PPP1CC: variants seen among roughly 807,000 people sequenced by gnomAD.
PPP1CC encodes serine/threonine-protein phosphatase PP1-gamma catalytic subunit.
In PPP1CC, 16 loss-of-function variants were observed where a neutral mutation model predicts 38.4. The ratio of observed to expected loss-of-function variants is 0.42; its 90% CI spans 0.28 to 0.63. The LOEUF is 0.63. PPP1CC is among the 30% of genes least tolerant of loss of function. The probability of loss-of-function intolerance (pLI) is 0.25; values close to 1 mark genes in which losing one functional copy is unlikely to be tolerated. For missense variants in PPP1CC, 170 were observed against 391.3 expected (o/e 0.43, Z 4.77); for synonymous variants, 158 against 136.0 (o/e 1.16, Z -1.13).
intron 2 of PPP1CC, among the ~76,000 whole-genome samples, chr12:110,731,177 C>T (rs1309992142): frequency 6.6e-6 from 1 of 150,864 alleles, no homozygotes; most frequent in East Asian, 1.9e-4. Flanking sequence ...TGAACAAAAG[C>T]ACATACACAC....
At chr12:110,710,797 T>C in the PPP1CC span, among the ~76,000 whole-genome samples, 1 of 146,992 alleles carries the variant, frequency 6.8e-6, no homozygotes, top group African/African-American at 2.5e-5. Context: ...TTTGGGAGGC[T>C]AAGGTGGGCG....
At chr12:110,730,366 C>G (rs754231975) in intron 3 of PPP1CC, among the ~76,000 whole-genome samples, 163 bp downstream of exon 3, 22 of 152,026 alleles carry the variant, frequency 1.4e-4, no homozygotes, top group Non-Finnish European at 2.9e-4. Context: ...TCCCCCACCC[C>G]CCTAAAAAAG....
At chr12:110,710,717 C>CAAA in the PPP1CC span, among the ~76,000 whole-genome samples, 7 of 27,898 alleles carry the variant, frequency 2.5e-4, no homozygotes, top group Admixed American at 5.4e-4. Context: ...GACTCTGTCT[C>CAAA]AAAAAAAAAA....
At chr12:110,717,153 G>T (rs1220563708), downstream of PPP1CC, among the ~76,000 whole-genome samples, 4 of 152,136 alleles carry the variant, frequency 2.6e-5, no homozygotes, top group African/African-American at 9.7e-5. Flanking sequence ...GATTTTTGGT[G>T]GGCTAATCCT....
At chr12:110,711,926 AAAC>A in the PPP1CC span, among the ~76,000 whole-genome samples, 8,453 of 152,126 alleles carry the variant, frequency 0.056, 353 homozygotes, top group African/African-American at 0.11. Flanking sequence ...ACTCTGTCTC[AAAC>A]AACAACAACA....
downstream of PPP1CC, among the ~76,000 whole-genome samples, chr12:110,719,162 A>T (rs1342533407): frequency 3.3e-5 from 5 of 152,174 alleles, no homozygotes; most frequent in African/African-American, 1.2e-4. Flanking sequence ...ATAGTCAAAG[A>T]AGTCTGGGAG....
At chr12:110,713,385 G>A in the PPP1CC span, among the ~76,000 whole-genome samples, 2 of 152,002 alleles carry the variant, frequency 1.3e-5, no homozygotes, top group African/African-American at 2.4e-5. Context: ...TGCCCACCTC[G>A]GCCTCACAAA....
intron 1 of PPP1CC, among the ~76,000 whole-genome samples, chr12:110,735,968 G>C (rs1232168898): frequency 6.6e-6 from 1 of 152,124 alleles, no homozygotes; most frequent in Non-Finnish European, 1.5e-5. Context: ...GGGAGGCTGA[G>C]GCAGGAGAAT....
chr12:110,726,335 G>A (rs971024329), intron 3 of PPP1CC: 4 of 152,104 alleles, frequency 2.6e-5, no homozygotes, highest in African/African-American at 9.7e-5. Flanking sequence ...ATAATTTCTG[G>A]TTTCTCAATG....
downstream of PPP1CC, among the ~76,000 whole-genome samples, chr12:110,719,523 G>A (rs952725953): frequency 1.3e-5 from 2 of 152,174 alleles, no homozygotes; most frequent in East Asian, 1.9e-4. Context: ...AGGGAAGGGG[G>A]AAGAGATCAA....
chr12:110,730,428 G>C, intron 3 of PPP1CC, 101 bp downstream of exon 3: 1 of 929,490 alleles, frequency 1.1e-6, no homozygotes, highest in South Asian at 1.7e-5. Context: ...TGATACCACT[G>C]CATCTAAACT....
chr12:110,727,643 AAGTACTTAT>A (rs1247033808), intron 3 of PPP1CC, among the ~76,000 whole-genome samples: 1 of 152,136 alleles, frequency 6.6e-6, no homozygotes, highest in Non-Finnish European at 1.5e-5. Flanking sequence ...TGGTAGTATA[AAGTACTTAT>A]GTACCTGGAA....
At chr12:110,725,145 CT>C (rs1236400101) in intron 3 of PPP1CC, 2 of 153,158 alleles carry the variant, frequency 1.3e-5, no homozygotes, top group African/African-American at 4.8e-5. Flanking sequence ...CACATGAAAT[CT>C]TTTTAAATTC....
At chr12:110,712,872 G>C in the PPP1CC span, among the ~76,000 whole-genome samples, 5 of 151,842 alleles carry the variant, frequency 3.3e-5, no homozygotes, top group Admixed American at 6.6e-5. Context: ...GGGAGTTCGA[G>C]ACCAGCCTGG....
At chr12:110,726,655 C>G (rs1324511209) in intron 3 of PPP1CC, 1 of 152,192 alleles carries the variant, frequency 6.6e-6, no homozygotes, top group South Asian at 2.1e-4. Context: ...GGATGAGTAT[C>G]CTTAATCCAA....
chr12:110,733,097 T>C (rs2069898770), intron 1 of PPP1CC: 2 of 152,220 alleles, frequency 1.3e-5, no homozygotes, highest in Non-Finnish European at 2.9e-5. Flanking sequence ...AAATGTTTTT[T>C]TCGTAAGTAA....
chr12:110,714,805 CAAAAAAAAAAAAAA>C (rs1164975036), downstream of PPP1CC, among the ~76,000 whole-genome samples: 2 of 22,064 alleles, frequency 9.1e-5, no homozygotes, highest in Admixed American at 1.3e-3. Context: ...GACTCTGTCT[CAAAAAAAAAAAAAA>C]AAAAAAAAAA....
At chr12:110,728,397 C>CAAGAA (rs1555243630) in intron 3 of PPP1CC, among the ~76,000 whole-genome samples, 4 of 78,598 alleles carry the variant, frequency 5.1e-5, no homozygotes, top group African/African-American at 1.5e-4. Context: ...GACTCCGTCT[C>CAAGAA]AAAAAAAAAA....
chr12:110,732,152 A>C, intron 1 of PPP1CC: 1 of 553,960 alleles, frequency 1.8e-6, no homozygotes, highest in Middle Eastern at 4.7e-4. Context: ...GTCTGTGCGA[A>C]TGCTGTTAGA....
Sources: gnomAD v4.1 joint callset for allele counts (sites outside exome capture counted in the v4.1 genomes callset) on GRCh38, gnomAD v4.1.1 for gene constraint, MANE v1.5 for transcripts, NCBI Gene and HGNC (gene_info 2026-07-23, HGNC 2026-07-21) for gene names.